Variants in ACTR10 observed in about 807,000 individuals in gnomAD.
ACTR10 encodes actin related protein 10.
ACTR10 carries 43 observed loss-of-function variants against 56.2 expected under a neutral mutation model. That is an observed-to-expected ratio of 0.77 (90% confidence interval 0.60 to 0.99). The LOEUF (loss-of-function observed/expected upper bound fraction) is 0.99, where lower values mean the gene tolerates loss of function less well. ACTR10 is among the 50% of genes least tolerant of loss of function. The probability of loss-of-function intolerance (pLI) is 0.00; values close to 1 mark genes in which losing one functional copy is unlikely to be tolerated. For missense variants in ACTR10, 466 were observed against 507.8 expected (o/e 0.92, Z 0.79); for synonymous variants, 170 against 176.3 (o/e 0.96, Z 0.28).
At chr14:58,218,746 T>C (rs1026853754) in intron 7 of ACTR10, among the ~76,000 whole-genome samples, 24 of 152,212 alleles carry the variant, frequency 1.6e-4, no homozygotes, top group African/African-American at 5.5e-4. Flanking sequence ...TATAGATGTC[T>C]ATCTTCCCTG....
chr14:58,201,023 A>G (rs1217255388), intron 1 of ACTR10, among the ~76,000 whole-genome samples: 1 of 152,266 alleles, frequency 6.6e-6, no homozygotes, highest in African/African-American at 2.4e-5. Context: ...ACCCTAGATT[A>G]AGAGTCCTTG....
At chr14:58,228,221 T>C (rs1007124014) in intron 10 of ACTR10, among the ~76,000 whole-genome samples, 1 of 152,222 alleles carries the variant, frequency 6.6e-6, no homozygotes, top group Non-Finnish European at 1.5e-5. Context: ...ATAGCCCTTA[T>C]CCTTGAGGTC....
Position 58,209,017 on chromosome 14 carries a change from C to G in ACTR10, c.252C>G (p.Pro84=), listed in dbSNP as rs760788489. 4 of 1,611,400 alleles carry G rather than the reference C, an allele frequency of 2.5e-6. No homozygotes were observed. The highest frequency in any genetic ancestry group is 3.4e-6 in the Non-Finnish European group (4 of 1,178,732). ...ILYFRHLLVN[P]RDRRVVIIES... ...TTTTCAGGCATCTATTGGTGAATCCCAGAGACCGCCGAGTTGTGATTATCG... is the reference window on the plus strand; with the variant it reads ...TTTTCAGGCATCTATTGGTGAATCCGAGAGACCGCCGAGTTGTGATTATCG... Residue 84 remains proline, a synonymous_variant, in exon 4 of 13, where the codon CCC becomes CCG. Coordinates refer to ENST00000254286, the MANE Select transcript of ACTR10 (RefSeq NM_018477.3).
rs748082559 is a variant in ACTR10 at position 58,215,300 on chromosome 14, G to T, written c.598+16G>T. On this transcript the variant is annotated intron_variant, in intron 7 of 12. Coordinates refer to ENST00000254286, the MANE Select transcript of ACTR10 (RefSeq NM_018477.3). ...TCAGTGATGGGTAAATTCATTTTAA[G>T]TGGTTTAGGAGTGGTTTACACTCTC... 8.3e-6 allele frequency: 13 copies of T among 1,571,792 alleles called. No homozygotes were observed. Among genetic ancestry groups the T allele is most frequent in the Non-Finnish European group, 1.1e-5 (13 of 1,146,220 alleles).
intron 3 of ACTR10, 82 bp from the exon 4 acceptor site, chr14:58,208,917 C>G: frequency 1.2e-6 from 1 of 839,592 alleles, no homozygotes; most frequent in East Asian, 2.5e-5. Context: ...TAAGGTAGTA[C>G]AGTTTCACTG....
At chr14:58,214,403 C>CT (rs918510927) in intron 6 of ACTR10, among the ~76,000 whole-genome samples, 212 of 144,168 alleles carry the variant, frequency 1.5e-3, no homozygotes, top group African/African-American at 3.6e-3. Flanking sequence ...ACATTTTTTT[C>CT]TTTTTTTTTT....
At chr14:58,234,299 G>C (rs1344605252) in intron 12 of ACTR10, 71 bp from the exon 13 acceptor site, 1 of 1,323,302 alleles carries the variant, frequency 7.6e-7, no homozygotes, top group Non-Finnish European at 1.0e-6. Context: ...TAGTGAAGTA[G>C]ATGTATGTGT....
chr14:58,231,521 T>C (rs1261003408), intron 11 of ACTR10, among the ~76,000 whole-genome samples: 1 of 152,222 alleles, frequency 6.6e-6, no homozygotes, highest in African/African-American at 2.4e-5. Context: ...TCGCATGAAA[T>C]ACCATTGCCT....
intron 11 of ACTR10, among the ~76,000 whole-genome samples, chr14:58,230,709 G>A (rs545515819): frequency 6.6e-6 from 1 of 151,254 alleles, no homozygotes; most frequent in South Asian, 2.1e-4. Context: ...CTGGCACTGA[G>A]AAATGGCATC....
chr14:58,228,031 T>TCTAC (rs1213266847), intron 10 of ACTR10, among the ~76,000 whole-genome samples: 1 of 152,082 alleles, frequency 6.6e-6, no homozygotes, highest in Non-Finnish European at 1.5e-5. Context: ...GAGCCTGGGA[T>TCTAC]GTAGAGGTTG....
rs75304518 is a variant in ACTR10, at chr14:58,202,933, T to TA, written c.150+15dup. 223 of 1,480,170 alleles carry TA rather than the reference T, an allele frequency of 1.5e-4. No homozygotes were observed. Among genetic ancestry groups the TA allele is most frequent in the Middle Eastern group, 3.5e-4 (2 of 5,714 alleles). The allele number at this position is 1,480,170 out of a possible 1,614,324, so 91.7% of individuals were successfully genotyped here. On this transcript the variant is annotated splice_region_variant and intron_variant, in intron 2 of 12. Coordinates refer to ENST00000254286, the MANE Select transcript of ACTR10 (RefSeq NM_018477.3). ...AAAGAGCTGGGATGCCTAAGGTATT[T>TA]AAAAAAAAATATTAGCAAAATAAAT...
rs5808964 is a variant in ACTR10, at chr14:58,232,872, CTTTT to C, written c.1072+617_1072+620del. ...CAGTGATGCTACCATTTCTTTCTTT[CTTTT>C]TTTTTTTTTTTGAGACGTTTCATCT... is the stretch of plus-strand genomic sequence containing the variant. On this transcript the variant is annotated intron_variant, in intron 12 of 12. Transcript: ENST00000254286. 2.9e-5 allele frequency among the ~76,000 whole-genome samples: 4 copies of C among 136,344 alleles called. No individual in the cohort carries two copies. The East Asian group carries it at 6.3e-4, about 22-fold the overall frequency. 89.4% of individuals were successfully genotyped at this position (136,344 alleles called of 152,430 possible).
intron 1 of ACTR10, among the ~76,000 whole-genome samples, chr14:58,200,839 G>T (rs1594801017): frequency 6.6e-6 from 1 of 152,220 alleles, no homozygotes; most frequent in Non-Finnish European, 1.5e-5. Flanking sequence ...TAAACTCGAA[G>T]GTTAGATTTG....
chr14:58,215,166 A>C (rs1889102750), intron 6 of ACTR10, 39 bp from the exon 7 acceptor site: 2 of 1,279,352 alleles, frequency 1.6e-6, no homozygotes, highest in Non-Finnish European at 2.2e-6. Flanking sequence ...TATCAGTTTC[A>C]ATATTTTCAT....
rs754183660 is a variant in ACTR10 at position 58,200,274 on chromosome 14, C to G, written c.57C>G (p.Asp19Glu). The G allele has an allele frequency of 3.3e-6, 5 of 1,512,216 alleles. No individual in the cohort carries two copies. In the East Asian group the frequency reaches 1.1e-4, roughly 33 times the overall value. 93.7% of individuals were successfully genotyped at this position (1,512,216 alleles called of 1,614,324 possible). Residue 19 changes from aspartate (D) to glutamate (E), a missense_variant, in exon 1 of 13, where the codon GAC (aspartate) becomes GAG (glutamate). Transcript: ENST00000254286. ...SGGEKTAVVI[D>E]LGEAFTKCGF... ...GGGAGAAGACGGCGGTCGTGATCGA[C>G]CTGGGAGAGGCCTTTACCAAGTGAG...
intron 8 of ACTR10, among the ~76,000 whole-genome samples, chr14:58,222,491 G>A (rs1169745271): frequency 1.3e-5 from 2 of 152,128 alleles, no homozygotes; most frequent in East Asian, 1.9e-4. Context: ...CCAGCCAGGC[G>A]CAGTGGCCCA....
intron 11 of ACTR10, among the ~76,000 whole-genome samples, chr14:58,231,515 A>G (rs907848835): frequency 1.3e-5 from 2 of 152,324 alleles, no homozygotes; most frequent in Admixed American, 6.5e-5. Flanking sequence ...AGGACTTCGC[A>G]TGAAATACCA....
chr14:58,216,447 T>A (rs1248665926), intron 7 of ACTR10, among the ~76,000 whole-genome samples: 2 of 152,150 alleles, frequency 1.3e-5, no homozygotes, highest in Non-Finnish European at 2.9e-5. Context: ...ACAAAATAAA[T>A]ATAAATACAT....
chr14:58,212,761 A>G (rs1216988017), intron 5 of ACTR10, among the ~76,000 whole-genome samples: 1 of 152,172 alleles, frequency 6.6e-6, no homozygotes, highest in Non-Finnish European at 1.5e-5. Flanking sequence ...CCCACAGTAA[A>G]TATTGTTTAC....
Sources: allele counts gnomAD v4.1 joint callset (sites outside exome capture counted in the v4.1 genomes callset), GRCh38; gene constraint gnomAD v4.1.1; transcripts MANE v1.5; gene names NCBI Gene and HGNC (gene_info 2026-07-23, HGNC 2026-07-21).